The following PAX2 variants were observed in gnomAD, a reference collection of about 807,000 sequenced individuals.
PAX2 encodes paired box protein Pax-2.
A neutral mutation model predicts 41.7 loss-of-function variants in PAX2; 9 were observed. The observed-to-expected ratio is 0.22, with a 90% CI of 0.13 to 0.38. The LOEUF (loss-of-function observed/expected upper bound fraction) is 0.38. Ranked by LOEUF, PAX2 falls within the 10% of genes least tolerant of loss-of-function variation. PAX2 has a pLI of 1.00. For synonymous variants in PAX2, 221 were observed against 212.7 expected (o/e 1.04, Z -0.34); for missense variants, 418 against 531.6 (o/e 0.79, Z 2.10).
intron 1 of PAX2, chr10:100,735,844 C>G (rs1263415885): frequency 8.2e-6 from 6 of 728,424 alleles, no homozygotes; most frequent in Non-Finnish European, 1.0e-5. Context: ...TGCTCAGTAC[C>G]CGGCGGGCGA....
At chr10:100,744,011 G>C (rs1429127613), upstream of PAX2, among the ~76,000 whole-genome samples, 2 of 152,226 alleles carry the variant, frequency 1.3e-5, no homozygotes, top group Non-Finnish European at 2.9e-5. Flanking sequence ...GGCCCCACAG[G>C]AGTGAGAGGC....
intron 5 of PAX2, among the ~76,000 whole-genome samples, chr10:100,785,122 C>T (rs903011010): frequency 1.2e-4 from 18 of 152,164 alleles, no homozygotes; most frequent in Admixed American, 1.2e-3. Context: ...TCCCTGGGCC[C>T]TTTGAAGGGA....
upstream of PAX2, among the ~76,000 whole-genome samples, chr10:100,741,618 C>A (rs190462835): frequency 2.0e-5 from 3 of 152,198 alleles, no homozygotes; most frequent in African/African-American, 4.8e-5. Context: ...ACCCAGAGGG[C>A]GAGTGAGCCT....
chr10:100,763,941 AG>A (rs1554858048), intron 3 of PAX2, among the ~76,000 whole-genome samples: 1 of 152,136 alleles, frequency 6.6e-6, no homozygotes, highest in Non-Finnish European at 1.5e-5. Flanking sequence ...ATAATTGTGT[AG>A]GTCTCTCATA....
intron 5 of PAX2, 22 bp downstream of exon 5, chr10:100,781,387 T>C (rs1303865481): frequency 1.2e-6 from 2 of 1,612,996 alleles, no homozygotes; most frequent in Non-Finnish European, 1.7e-6. Flanking sequence ...GGAAGAGGTG[T>C]GGCTTCCCCT....
At chr10:100,798,073 C>G (rs1412284315) in intron 5 of PAX2, among the ~76,000 whole-genome samples, 1 of 150,730 alleles carries the variant, frequency 6.6e-6, no homozygotes, top group Non-Finnish European at 1.5e-5. Flanking sequence ...AGGTTTGGGC[C>G]AGATTTCCAA....
upstream of PAX2, among the ~76,000 whole-genome samples, chr10:100,742,801 TTCTTTCTTTC>T (rs1372095804): frequency 1.3e-5 from 2 of 149,960 alleles, no homozygotes; most frequent in East Asian, 1.9e-4. Context: ...TTGGGTTGTT[TTCTTTCTTTC>T]TCTTTCTTTT....
At chr10:100,758,334 G>C (rs1399395414) in intron 3 of PAX2, among the ~76,000 whole-genome samples, 2 of 152,174 alleles carry the variant, frequency 1.3e-5, no homozygotes, top group East Asian at 3.9e-4. Context: ...TAGAGATGGG[G>C]TTTCACCATG....
At position 100,806,566 on chromosome 10, in the gene PAX2, T is replaced by C; in HGVS notation, c.753T>C (p.Pro251=). The part of the protein sequence containing the change: ...LDRVFERPSY[P]DVFQASEHIK... ...GGGTCTTTGAGCGTCCTTCCTACCC[T>C]GACGTCTTCCAGGCATCAGAGCACA... Residue 251 remains proline, a synonymous_variant, in exon 6 of 10, where the codon CCT becomes CCC. Coordinates refer to ENST00000355243, the MANE Select transcript of PAX2 (RefSeq NM_000278.5). 6.2e-7 allele frequency: 1 copy of C among 1,614,168 alleles called. No homozygotes were observed.
intron 3 of PAX2, among the ~76,000 whole-genome samples, chr10:100,772,315 G>A (rs866043027): frequency 1.6e-4 from 25 of 151,954 alleles, no homozygotes; most frequent in Middle Eastern, 3.4e-3. Flanking sequence ...CACCCTGCCC[G>A]GCTAATTTTT....
intron 3 of PAX2, among the ~76,000 whole-genome samples, chr10:100,769,668 ATAAAAAAAT>A (rs1348767148): frequency 6.0e-5 from 9 of 150,494 alleles, no homozygotes; most frequent in Non-Finnish European, 7.4e-5. Context: ...ATAAAATAAA[ATAAAAAAAT>A]AAAAAACAAA....
intron 3 of PAX2, among the ~76,000 whole-genome samples, chr10:100,761,483 A>C (rs909598309): frequency 2.0e-5 from 3 of 152,218 alleles, no homozygotes; most frequent in Non-Finnish European, 2.9e-5. Flanking sequence ...GGGTGGGTAC[A>C]AAAAAAGTTG....
intron 1 of PAX2, among the ~76,000 whole-genome samples, chr10:100,746,656 G>C (rs980343811): frequency 2.6e-5 from 4 of 152,196 alleles, no homozygotes; most frequent in African/African-American, 7.2e-5. Flanking sequence ...GCCCTGGGCT[G>C]GGGGGCAAAT....
chr10:100,741,590 G>T (rs1200577853), upstream of PAX2, among the ~76,000 whole-genome samples: 1 of 152,152 alleles, frequency 6.6e-6, no homozygotes, highest in Non-Finnish European at 1.5e-5. Flanking sequence ...GAGGGTATGC[G>T]CCCTGGGGTG....
intron 1 of PAX2, chr10:100,747,829 G>A (rs542673078): frequency 4.1e-6 from 4 of 984,940 alleles, no homozygotes; most frequent in Non-Finnish European, 4.8e-6. Flanking sequence ...TCCACACGCC[G>A]TTTTCGCCCA....
In PAX2 at chr10:100,823,428, A is replaced by G. The variant is rs114385077; in HGVS notation, c.920-1220A>G. ...CTCTGGAATGCAGGGAGGTGAGGCC[A>G]TCTTCAAAGGGAGAGTAGCAAAGAG... On this transcript the variant is annotated intron_variant, in intron 7 of 9. Transcript: ENST00000355243. Among the ~76,000 whole-genome samples, 751 of 152,300 alleles carry G rather than the reference A, an allele frequency of 4.9e-3. 5 individuals carry two copies. Among genetic ancestry groups the G allele is most frequent in the African/African-American group, 0.017 (713 of 41,552 alleles).
chr10:100,790,632 G>A (rs1191327536), intron 5 of PAX2, among the ~76,000 whole-genome samples: 1 of 152,232 alleles, frequency 6.6e-6, no homozygotes, highest in African/African-American at 2.4e-5. Context: ...AGACAAGCAG[G>A]AAGCTGAGAA....
rs1403657664 is a variant in PAX2 at position 100,748,788 on chromosome 10, G to A, written c.44-958G>A. Reference sequence around the variant, plus strand: ...AGCCCGAGCCGCTCGGTTTCCTGGGGGGGCTGCCGAGGTCTGAGGGGTCAA... The same window carrying A: ...AGCCCGAGCCGCTCGGTTTCCTGGGAGGGCTGCCGAGGTCTGAGGGGTCAA... On this transcript the variant is annotated intron_variant, in intron 1 of 9. Transcript: ENST00000355243. The surrounding 1 kb of genome is among the most constrained non-coding windows in gnomAD (Gnocchi z 5.0). 3 of 985,412 alleles carry A rather than the reference G, an allele frequency of 3.0e-6. No individual in the cohort carries two copies. The highest frequency in any genetic ancestry group is 4.7e-5 in the South Asian group (1 of 21,286). 61.0% of individuals were successfully genotyped at this position (985,412 alleles called of 1,614,324 possible).
intron 3 of PAX2, among the ~76,000 whole-genome samples, chr10:100,767,588 C>A (rs889696859): frequency 1.3e-5 from 2 of 152,180 alleles, no homozygotes; most frequent in Non-Finnish European, 2.9e-5. Flanking sequence ...ATTCCAGAGC[C>A]AAAGCCCTCA....
Sources: allele counts gnomAD v4.1 joint callset (sites outside exome capture counted in the v4.1 genomes callset), GRCh38; gene constraint gnomAD v4.1.1; non-coding constraint Gnocchi (gnomAD v3.1); transcripts MANE v1.5; gene names NCBI Gene and HGNC (gene_info 2026-07-23, HGNC 2026-07-21).